Variants in MYT1 observed in about 807,000 individuals in gnomAD.
The protein encoded by MYT1 is myelin transcription factor I.
MYT1 carries 23 observed loss-of-function variants against 123.0 expected under a neutral mutation model. The observed-to-expected ratio is 0.19, with a 90% CI of 0.13 to 0.26. MYT1 has a LOEUF of 0.26. MYT1 is among the 10% of genes least tolerant of loss of function. The pLI is 1.00. For missense variants in MYT1, 1,125 were observed against 1,472.5 expected (o/e 0.76, Z 3.86); for synonymous variants, 518 against 575.3 (o/e 0.90, Z 1.43).
chr20:64,232,685 G>A lies in MYT1; in HGVS notation c.2897+300G>A, dbSNP rs1193255224. On this transcript the variant is annotated intron_variant, in intron 19 of 22. Transcript: ENST00000328439. This position sits in a 1 kb window ranked among gnomAD's most constrained non-coding sequence, Gnocchi z 6.9. ...GACACAGAGGCCACACATGAGCAGA[G>A]CCCTGGGTCTGACACTTACGTTCTC... 6.6e-6 allele frequency among the ~76,000 whole-genome samples: 1 copy of A among 151,824 alleles called. No homozygotes were observed. The highest frequency in any genetic ancestry group is 1.5e-5 in the Non-Finnish European group (1 of 67,994).
At chr20:64,178,680 G>A (rs1982546455) in intron 1 of MYT1, among the ~76,000 whole-genome samples, 2 of 147,632 alleles carry the variant, frequency 1.4e-5, no homozygotes, top group Non-Finnish European at 3.0e-5. Context: ...GGAGCACTGA[G>A]CCGTTATTCG....
chr20:64,207,011 A>G (rs538432540), intron 6 of MYT1, among the ~76,000 whole-genome samples: 3 of 152,280 alleles, frequency 2.0e-5, no homozygotes, highest in African/African-American at 7.2e-5. Context: ...GGTTCAAGGA[A>G]TAGCTGGGAC....
intron 13 of MYT1, among the ~76,000 whole-genome samples, chr20:64,221,240 T>A (rs1194733043): frequency 2.0e-5 from 3 of 152,112 alleles, no homozygotes; most frequent in Non-Finnish European, 4.4e-5. Context: ...GAGCTCTGGT[T>A]ACAGCATCCT....
intron 16 of MYT1, among the ~76,000 whole-genome samples, chr20:64,224,912 C>T (rs1224966560): frequency 6.6e-6 from 1 of 152,204 alleles, no homozygotes; most frequent in East Asian, 1.9e-4. Context: ...AGGAGCTTGG[C>T]ACAGTTCGGG....
chr20:64,183,422 A>C (rs549480789), intron 1 of MYT1, among the ~76,000 whole-genome samples: 46 of 152,366 alleles, frequency 3.0e-4, no homozygotes, highest in Admixed American at 1.8e-3. Context: ...ATGTAACTCT[A>C]TGTTGAACAT....
rs1456557144 is a variant in MYT1 at position 64,232,287 on chromosome 20, A to C, written c.2799A>C (p.Ser933=). ...AGGAAGGGTCCCTCAATGGCTCGTC[A>C]TTCTCCTGGAAGTCCCTGAAGAATG... The part of the protein sequence containing the change: ...RQKEGSLNGS[S]FSWKSLKNEG... Residue 933 remains serine (S), a synonymous_variant, in exon 19 of 23, where the codon TCA becomes TCC. Transcript: ENST00000328439. This position sits in a 1 kb window ranked among gnomAD's most constrained non-coding sequence, Gnocchi z 6.9. The C allele has an allele frequency of 1.2e-6, 2 of 1,613,028 alleles. No individual in the cohort carries two copies. Among genetic ancestry groups the C allele is most frequent in the Non-Finnish European group, 1.7e-6 (2 of 1,180,006 alleles).
At position 64,208,373 on chromosome 20, in the gene MYT1, C is replaced by G. The variant is rs201966317; in HGVS notation, c.1177C>G (p.Arg393Gly). ...QAIALKAEQV[R>G]TVCEPGCPPA... is the part of the protein sequence containing the mutation. ...CATCGCCCTGAAGGCTGAACAGGTG[C>G]GCACAGTCTGCGAGCCGGGCTGCCC... Residue 393 changes from arginine to glycine, a missense_variant, in exon 7 of 23, where the codon CGC (arginine) becomes GGC (glycine). Physicochemically the swap from Arg to Gly is moderately radical, Grantham distance 125. Transcript: ENST00000328439. This position sits in a 1 kb window ranked among gnomAD's most constrained non-coding sequence, Gnocchi z 5.4. 2.1e-5 allele frequency: 34 copies of G among 1,613,704 alleles called. No individual in the cohort carries two copies. Among genetic ancestry groups the G allele is most frequent in the Non-Finnish European group, 2.9e-5 (34 of 1,180,022 alleles).
In MYT1 at chr20:64,167,779, G is replaced by A. The variant is rs545469454; in HGVS notation, c.-99+3040G>A. On this transcript the variant is annotated intron_variant, in intron 1 of 22. Transcript: ENST00000328439. This position sits in a 1 kb window ranked among gnomAD's most constrained non-coding sequence, Gnocchi z 6.3. The stretch of plus-strand genomic sequence containing the variant: ...TAGATCCTCCCCCTCTGCATTTTCC[G>A]TGTGAACTCCCTCATGAATAAACCA... Among the ~76,000 whole-genome samples the A allele has an allele frequency of 2.6e-5, 4 of 152,270 alleles. No individual in the cohort carries two copies. The highest frequency in any genetic ancestry group is 4.4e-5 in the Non-Finnish European group (3 of 68,034).
In MYT1 at chr20:64,211,314, C is replaced by G. The variant is rs778102826; in HGVS notation, c.1400C>G (p.Pro467Arg). ...CACCACCGCAGCCTTTCTGGCTGTC[C>G]CCACAAGGATAGGATCCCCCCAGAG... ...YPHHRSLSGC[P>R]HKDRIPPEIL... is the part of the protein sequence containing the mutation. The change falls in exon 8 of 23, where the codon CCC (proline) becomes CGC (arginine). Residue 467 changes from proline (P) to arginine (R), a missense_variant. By Grantham distance (103) the Pro-to-Arg change is moderately radical. Transcript: ENST00000328439. 6.2e-7 allele frequency: 1 copy of G among 1,613,786 alleles called. No homozygotes were observed. The highest frequency in any genetic ancestry group is 1.1e-5 in the South Asian group (1 of 90,960).
chr20:64,211,430 GC>G, intron 8 of MYT1, 90 bp downstream of exon 8: 1 of 1,326,050 alleles, frequency 7.5e-7, no homozygotes, highest in Non-Finnish European at 1.0e-6. Context: ...GGCGTGGCCT[GC>G]CCAGGGCCAT....
intron 13 of MYT1, among the ~76,000 whole-genome samples, chr20:64,221,102 C>T (rs546331044): frequency 6.6e-6 from 1 of 152,306 alleles, no homozygotes; most frequent in East Asian, 1.9e-4. Flanking sequence ...ACGGGCATTT[C>T]CTCATTTGAC....
chr20:64,240,635 C>G lies in MYT1; in HGVS notation c.*187C>G. 1 of 695,052 alleles carries G rather than the reference C, an allele frequency of 1.4e-6. No homozygotes were observed. Among genetic ancestry groups the G allele is most frequent in the Non-Finnish European group, 2.3e-6 (1 of 437,380 alleles). 43.1% of individuals were successfully genotyped at this position (695,052 alleles called of 1,614,324 possible). On this transcript the variant is annotated 3_prime_UTR_variant, in exon 23 of 23. Transcript: ENST00000328439. ...ACGAGGCTCCCTCCAGGCTTGGGGC[C>G]GTGGTGGCCCTATCTGTGTGCATAG...
chr20:64,211,379 C>T, intron 8 of MYT1, 39 bp downstream of exon 8: 1 of 1,579,042 alleles, frequency 6.3e-7, no homozygotes, highest in South Asian at 1.2e-5. Context: ...AACTGTGAAG[C>T]TCACGCTGCC....
rs1983708614 is a variant in MYT1, at chr20:64,212,429, G to A, written c.1517+291G>A. 6.6e-6 allele frequency among the ~76,000 whole-genome samples: 1 copy of A among 152,208 alleles called. No individual in the cohort carries two copies. The highest frequency in any genetic ancestry group is 2.4e-5 in the African/African-American group (1 of 41,452). ...GGGTACAAGGTCAGGGCACACCTGG[G>A]CGGTGAGGGGCCTTTGTGAGGGCAG... is the stretch of plus-strand genomic sequence containing the variant. On this transcript the variant is annotated intron_variant, in intron 9 of 22. Transcript: ENST00000328439. This position sits in a 1 kb window ranked among gnomAD's most constrained non-coding sequence, Gnocchi z 6.8.
At position 64,167,154 on chromosome 20, in the gene MYT1, G is replaced by A. The variant is rs1021356819; in HGVS notation, c.-99+2415G>A. On this transcript the variant is annotated intron_variant, in intron 1 of 22. Transcript: ENST00000328439. This position sits in a 1 kb window ranked among gnomAD's most constrained non-coding sequence, Gnocchi z 6.3. Reference sequence around the variant, plus strand: ...TGCTCAGTCTGGTGATGTCTGGGCCGCTTGGAATGCCAGTTTGCACAACCC... The same window carrying A: ...TGCTCAGTCTGGTGATGTCTGGGCCACTTGGAATGCCAGTTTGCACAACCC... Among the ~76,000 whole-genome samples the A allele has an allele frequency of 3.3e-5, 5 of 152,172 alleles. No individual in the cohort carries two copies. The highest frequency in any genetic ancestry group is 1.9e-4 in the East Asian group (1 of 5,190).
At chr20:64,209,544 C>T (rs1371837870) in intron 7 of MYT1, among the ~76,000 whole-genome samples, 3 of 152,168 alleles carry the variant, frequency 2.0e-5, no homozygotes, top group East Asian at 1.9e-4. Context: ...GGTGCTCTTC[C>T]AATGAGTGCC....
intron 16 of MYT1, among the ~76,000 whole-genome samples, chr20:64,225,321 G>A (rs995098651): frequency 1.3e-5 from 2 of 152,232 alleles, no homozygotes; most frequent in African/African-American, 2.4e-5. Context: ...TGGGACAAAC[G>A]AGGTTCCTTT....
chr20:64,188,630 C>T (rs1169765343), intron 1 of MYT1, among the ~76,000 whole-genome samples: 1 of 152,212 alleles, frequency 6.6e-6, no homozygotes, highest in Non-Finnish European at 1.5e-5. Flanking sequence ...TATGCTTTTC[C>T]TCCCTATACC....
rs879629719 is a variant in MYT1, at chr20:64,185,080, A to G, written c.-98-4983A>G. ...GGGGAGTGAAGCGTAGTTATGAAGC[A>G]GGAGGAGATGGAGAGGGGGCTGGGC... On this transcript the variant is annotated intron_variant, in intron 1 of 22. Coordinates refer to ENST00000328439, the MANE Select transcript of MYT1 (RefSeq NM_004535.3). This position sits in a 1 kb window ranked among gnomAD's most constrained non-coding sequence, Gnocchi z 4.5. Among the ~76,000 whole-genome samples the G allele has an allele frequency of 2.0e-5, 3 of 152,182 alleles. No individual in the cohort carries two copies. Among genetic ancestry groups the G allele is most frequent in the Non-Finnish European group, 4.4e-5 (3 of 68,030 alleles).
Sources: gnomAD v4.1 joint callset for allele counts (sites outside exome capture counted in the v4.1 genomes callset) on GRCh38, gnomAD v4.1.1 for gene constraint, Gnocchi (gnomAD v3.1) non-coding constraint, MANE v1.5 for transcripts, NCBI Gene and HGNC (gene_info 2026-07-23, HGNC 2026-07-21) for gene names.